The following SLC39A11 variants were observed in gnomAD, a reference collection of about 807,000 sequenced individuals.
SLC39A11 encodes the protein zinc transporter ZIP11.
SLC39A11 carries 33 observed loss-of-function variants against 36.1 expected under a neutral mutation model. The observed-to-expected ratio is 0.91, with a 90% confidence interval of 0.69 to 1.22. The LOEUF (loss-of-function observed/expected upper bound fraction) is 1.22. SLC39A11 is among the 50% of genes most tolerant of loss of function. The pLI is 0.00. For missense variants in SLC39A11, 432 were observed against 430.3 expected, an observed-to-expected ratio of 1.00 and a Z score of -0.03; for synonymous variants, 166 against 170.3, an observed-to-expected ratio of 0.97 and a Z score of 0.20.
At chr17:72,878,525 G>A (rs983324026) in intron 5 of SLC39A11, among the ~76,000 whole-genome samples, 2 of 152,012 alleles carry the variant, frequency 1.3e-5, no homozygotes, top group South Asian at 4.1e-4. Flanking sequence ...CATCATAACG[G>A]CTTTTGGCCA....
chr17:72,893,451 CT>C (rs201867250), intron 5 of SLC39A11, among the ~76,000 whole-genome samples: 7,204 of 152,008 alleles, frequency 0.047, 201 homozygotes, highest in Non-Finnish European at 0.06. Context: ...CACAGCAAGA[CT>C]GTCTCAGGGA....
chr17:72,847,916 A>C (rs1201602650), intron 6 of SLC39A11, among the ~76,000 whole-genome samples: 19 of 152,094 alleles, frequency 1.2e-4, no homozygotes, highest in Admixed American at 1.2e-3. Context: ...GGCACCATGA[A>C]CTCTGCAAGG....
Position 72,849,809 on chromosome 17 carries a change from GCAA to G in SLC39A11, c.431-8_431-6del, listed in dbSNP as rs1567819804. On this transcript the variant is annotated splice_polypyrimidine_tract_variant and splice_region_variant and intron_variant, in intron 5 of 9. Transcript: ENST00000255559. The stretch of plus-strand genomic sequence containing the variant: ...CCTCACCATTCTCACTCTTGTCTGA[GCAA>G]AAAAAAAAAAAAAGAGAGATGGGGA... 6.6e-6 allele frequency: 9 copies of G among 1,370,040 alleles called. No individual in the cohort carries two copies. The highest frequency in any genetic ancestry group is 5.5e-5 in the East Asian group (2 of 36,612). 84.9% of individuals were successfully genotyped at this position (1,370,040 alleles called of 1,614,324 possible).
chr17:72,997,078 T>C (rs1041026143), intron 4 of SLC39A11, among the ~76,000 whole-genome samples: 6 of 152,182 alleles, frequency 3.9e-5, no homozygotes, highest in Non-Finnish European at 8.8e-5. Flanking sequence ...GAGAAAGCTC[T>C]ATTATCAATA....
chr17:72,990,365 G>A (rs943914763), intron 4 of SLC39A11, among the ~76,000 whole-genome samples: 3 of 152,194 alleles, frequency 2.0e-5, no homozygotes, highest in Admixed American at 2.0e-4. Flanking sequence ...AAGGGTTCAA[G>A]TATAATAGTG....
intron 4 of SLC39A11, among the ~76,000 whole-genome samples, chr17:72,956,112 G>A (rs1003507349): frequency 2.0e-5 from 3 of 152,068 alleles, no homozygotes; most frequent in Non-Finnish European, 2.9e-5. Flanking sequence ...TGAAGCCCAC[G>A]ATCCCTCCAA....
intron 6 of SLC39A11, among the ~76,000 whole-genome samples, chr17:72,832,510 T>C (rs1211058233): frequency 6.6e-6 from 1 of 152,184 alleles, no homozygotes; most frequent in Admixed American, 6.5e-5. Context: ...TCATGACACA[T>C]CTATGCCAAA....
At chr17:72,766,913 C>T (rs1368587354) in intron 6 of SLC39A11, among the ~76,000 whole-genome samples, 1 of 152,150 alleles carries the variant, frequency 6.6e-6, no homozygotes, top group African/African-American at 2.4e-5. Flanking sequence ...CAGAGACATG[C>T]CAGCCCCAAG....
chr17:72,971,464 T>G (rs902700895), intron 4 of SLC39A11, among the ~76,000 whole-genome samples: 3 of 152,160 alleles, frequency 2.0e-5, no homozygotes, highest in Middle Eastern at 6.8e-3. Context: ...TTAATGAAAA[T>G]CTCAGCCCTT....
intron 5 of SLC39A11, among the ~76,000 whole-genome samples, chr17:72,873,931 T>A (rs1303235521): frequency 6.6e-6 from 1 of 152,164 alleles, no homozygotes; most frequent in East Asian, 1.9e-4. Flanking sequence ...GATGGTTTTA[T>A]AAGGGGCTCC....
intron 6 of SLC39A11, among the ~76,000 whole-genome samples, chr17:72,830,006 G>A (rs144776840): frequency 7.9e-5 from 12 of 152,274 alleles, no homozygotes; most frequent in Non-Finnish European, 1.8e-4. Context: ...GAAAACCTGT[G>A]ATGCTACTCA....
At chr17:72,853,863 A>G (rs1274787147) in intron 5 of SLC39A11, among the ~76,000 whole-genome samples, 1 of 152,130 alleles carries the variant, frequency 6.6e-6, no homozygotes, top group Non-Finnish European at 1.5e-5. Flanking sequence ...AGTGCGTGGG[A>G]AAAGGATGAT....
intron 5 of SLC39A11, among the ~76,000 whole-genome samples, chr17:72,941,001 C>T (rs142901837): frequency 3.9e-5 from 6 of 152,078 alleles, no homozygotes; most frequent in African/African-American, 9.7e-5. Context: ...ATTGGGACAC[C>T]GACAGGCACA....
intron 6 of SLC39A11, among the ~76,000 whole-genome samples, chr17:72,766,525 T>C (rs1195542589): frequency 6.6e-6 from 1 of 152,174 alleles, no homozygotes; most frequent in Non-Finnish European, 1.5e-5. Flanking sequence ...ACTTTCCAAA[T>C]AGTCCTTCTC....
intron 3 of SLC39A11, among the ~76,000 whole-genome samples, chr17:73,080,614 C>T (rs2144716723): frequency 6.6e-6 from 1 of 152,238 alleles, no homozygotes; most frequent in South Asian, 2.1e-4. Context: ...GCAAATGCAA[C>T]AAAAACAACG....
intron 4 of SLC39A11, among the ~76,000 whole-genome samples, chr17:72,972,501 G>T (rs948828662): frequency 6.6e-6 from 1 of 152,054 alleles, no homozygotes; most frequent in Non-Finnish European, 1.5e-5. Flanking sequence ...AGGCATGAGG[G>T]CAAACACAGC....
chr17:72,925,121 G>C (rs1475906422), intron 5 of SLC39A11, among the ~76,000 whole-genome samples: 1 of 151,966 alleles, frequency 6.6e-6, no homozygotes, highest in Non-Finnish European at 1.5e-5. Context: ...TTTCAGGATG[G>C]CCATGTGGAT....
intron 7 of SLC39A11, among the ~76,000 whole-genome samples, chr17:72,674,350 C>T (rs1322908223): frequency 6.6e-6 from 1 of 152,150 alleles, no homozygotes; most frequent in Non-Finnish European, 1.5e-5. Flanking sequence ...CTGAAAACTC[C>T]TCTAAATGAG....
At chr17:72,909,703 G>A (rs1363742497) in intron 5 of SLC39A11, among the ~76,000 whole-genome samples, 4 of 152,084 alleles carry the variant, frequency 2.6e-5, no homozygotes, top group Non-Finnish European at 4.4e-5. Context: ...ACAGAGGCTT[G>A]CAGAGCCAGT....
Sources: gnomAD v4.1 joint callset for allele counts (sites outside exome capture counted in the v4.1 genomes callset) on GRCh38, gnomAD v4.1.1 for gene constraint, MANE v1.5 for transcripts, NCBI Gene and HGNC (gene_info 2026-07-23, HGNC 2026-07-21) for gene names.